The following HMGB1 variants were observed in gnomAD, a reference collection of about 807,000 sequenced individuals.
The protein encoded by HMGB1 is high mobility group protein B1.
For synonymous variants in HMGB1, 81 were observed against 84.0 expected (o/e 0.96, Z 0.19); for missense variants, 79 against 253.5 (o/e 0.31, Z 4.67).
At chr13:30,519,308 G>A (rs1888175015) in intron 1 of HMGB1, among the ~76,000 whole-genome samples, 1 of 150,644 alleles carries the variant, frequency 6.6e-6, no homozygotes, top group South Asian at 2.1e-4. Flanking sequence ...CAGAAGAATC[G>A]CTTGAACCCA....
rs534156744 is a variant in HMGB1, at chr13:30,559,236, C to A, written c.-15+57435G>T. On this transcript the variant is annotated intron_variant, in intron 1 of 4. Coordinates refer to the HMGB1 transcript ENST00000405805. This position sits in a 1 kb window ranked among gnomAD's most constrained non-coding sequence, Gnocchi z 6.6. ...CTTACCAAGGTACGTTAGGCACTGGCCTCACTCCAAGGCCAGTGCTTCCTG... is the reference window on the plus strand; with the variant it reads ...CTTACCAAGGTACGTTAGGCACTGGACTCACTCCAAGGCCAGTGCTTCCTG... 6.6e-6 allele frequency among the ~76,000 whole-genome samples: 1 copy of A among 152,052 alleles called. No homozygotes were observed. Among genetic ancestry groups the A allele is most frequent in the Non-Finnish European group, 1.5e-5 (1 of 67,994 alleles).
intron 1 of HMGB1, among the ~76,000 whole-genome samples, chr13:30,533,865 T>C: frequency 7.1e-6 from 1 of 141,088 alleles, no homozygotes; most frequent in Admixed American, 7.2e-5. Context: ...GTAAAGACTA[T>C]CTTTTTTTTT....
At chr13:30,551,897 C>T (rs1305623282) in intron 1 of HMGB1, among the ~76,000 whole-genome samples, 14 of 152,200 alleles carry the variant, frequency 9.2e-5, no homozygotes, top group South Asian at 6.2e-4. Context: ...TCTGTAGAGA[C>T]GGGGTCTTGC....
intron 1 of HMGB1, among the ~76,000 whole-genome samples, chr13:30,496,845 C>T (rs1490792956): frequency 6.6e-6 from 1 of 152,118 alleles, no homozygotes; most frequent in Non-Finnish European, 1.5e-5. Context: ...TCCACACAGA[C>T]ATTCCTTCCA....
rs568668368 is a variant in HMGB1, at chr13:30,516,032, C to A, written c.-14-52338G>T. On this transcript the variant is annotated intron_variant, in intron 1 of 4. Transcript: ENST00000405805. Reference sequence around the variant, plus strand: ...TACAACACTCCACCTTCCCCCCTCACCCCCGGAGATTTACAGTCCATATTA... The same window carrying A: ...TACAACACTCCACCTTCCCCCCTCAACCCCGGAGATTTACAGTCCATATTA... 7.9e-5 allele frequency among the ~76,000 whole-genome samples: 12 copies of A among 152,276 alleles called. No homozygotes were observed. In the South Asian group the frequency reaches 2.5e-3, roughly 32 times the overall value.
intron 1 of HMGB1, among the ~76,000 whole-genome samples, chr13:30,479,339 C>T (rs1887175543): frequency 6.6e-6 from 1 of 152,160 alleles, no homozygotes; most frequent in Non-Finnish European, 1.5e-5. Context: ...ATTCCAGCCC[C>T]AGGCTGTATC....
At chr13:30,581,654 GCTGATCAT>G (rs1240543685) in intron 1 of HMGB1, among the ~76,000 whole-genome samples, 1 of 152,200 alleles carries the variant, frequency 6.6e-6, no homozygotes, top group African/African-American at 2.4e-5. Context: ...AGGTGGTAAA[GCTGATCAT>G]CTACTAATAT....
chr13:30,468,957 G>A (rs1303443605), upstream of HMGB1, among the ~76,000 whole-genome samples: 2 of 151,928 alleles, frequency 1.3e-5, no homozygotes, highest in African/African-American at 4.8e-5. Context: ...GGAATGGCAC[G>A]ATCTCAGCTC....
At chr13:30,536,424 A>G (rs1254583908) in intron 1 of HMGB1, among the ~76,000 whole-genome samples, 1 of 152,060 alleles carries the variant, frequency 6.6e-6, no homozygotes, top group Non-Finnish European at 1.5e-5. Context: ...ATCTCGGCTC[A>G]CTGCAAGCTC....
intron 1 of HMGB1, among the ~76,000 whole-genome samples, chr13:30,474,718 G>A (rs1053507986): frequency 8.1e-5 from 12 of 148,646 alleles, no homozygotes; most frequent in Non-Finnish European, 1.5e-5. Flanking sequence ...TTGAACCACT[G>A]CACTCCAGCC....
chr13:30,475,565 G>A (rs186831166), intron 1 of HMGB1, among the ~76,000 whole-genome samples: 38 of 151,084 alleles, frequency 2.5e-4, no homozygotes, highest in Non-Finnish European at 4.3e-4. Flanking sequence ...TGGTGGTGGC[G>A]CTCACCTGTA....
intron 1 of HMGB1, among the ~76,000 whole-genome samples, chr13:30,477,525 C>T (rs1257033172): frequency 1.3e-5 from 2 of 152,192 alleles, no homozygotes; most frequent in African/African-American, 2.4e-5. Flanking sequence ...AAGCTTGTGC[C>T]AACACAGTGG....
At chr13:30,519,355 T>TGCACTCTAGCCTGAGTGACAGAGTG (rs1215168717) in intron 1 of HMGB1, among the ~76,000 whole-genome samples, 40 of 141,922 alleles carry the variant, frequency 2.8e-4, no homozygotes, top group African/African-American at 1.0e-3. Context: ...ATCACACCAC[T>TGCACTCTAGCCTGAGTGACAGAGTG]GCACTCTAGC....
intron 1 of HMGB1, among the ~76,000 whole-genome samples, chr13:30,537,901 G>A (rs1011459242): frequency 1.3e-5 from 2 of 151,698 alleles, no homozygotes; most frequent in Admixed American, 1.3e-4. Flanking sequence ...ATTCTTTCGT[G>A]ATTTCTCCCT....
chr13:30,584,057 AAAG>A (rs1321079596), intron 1 of HMGB1, among the ~76,000 whole-genome samples: 1 of 151,824 alleles, frequency 6.6e-6, no homozygotes, highest in Non-Finnish European at 1.5e-5. Context: ...AAGGAAAGGA[AAAG>A]AAGAGAGAGA....
chr13:30,518,454 C>T (rs765695962), intron 1 of HMGB1, among the ~76,000 whole-genome samples: 1 of 152,202 alleles, frequency 6.6e-6, no homozygotes, highest in Non-Finnish European at 1.5e-5. Context: ...GGCAGAACAT[C>T]GAGGGCATGA....
chr13:30,505,653 A>G (rs1207279355), intron 1 of HMGB1, among the ~76,000 whole-genome samples: 2 of 152,140 alleles, frequency 1.3e-5, no homozygotes, highest in East Asian at 3.9e-4. Context: ...AAAGTAGAGT[A>G]TAACGAAACC....
intron 1 of HMGB1, among the ~76,000 whole-genome samples, chr13:30,555,748 A>G (rs1462522175): frequency 6.6e-6 from 1 of 152,252 alleles, no homozygotes; most frequent in Non-Finnish European, 1.5e-5. Context: ...ACTAGTTTAG[A>G]TATCAATATC....
chr13:30,466,631 A>G (rs780941646), upstream of HMGB1, among the ~76,000 whole-genome samples: 5 of 152,172 alleles, frequency 3.3e-5, no homozygotes, highest in Non-Finnish European at 7.4e-5. Context: ...GCAGGCATTC[A>G]GTTTCACCCT....
Sources: gnomAD v4.1 joint callset for allele counts (sites outside exome capture counted in the v4.1 genomes callset) on GRCh38, gnomAD v4.1.1 for gene constraint, Gnocchi (gnomAD v3.1) non-coding constraint, MANE v1.5 for transcripts, NCBI Gene and HGNC (gene_info 2026-07-23, HGNC 2026-07-21) for gene names.